The following EGFLAM variants were observed in gnomAD, a reference collection of about 807,000 sequenced individuals.
EGFLAM encodes the protein pikachurin.
In EGFLAM, 79 loss-of-function variants were observed where a neutral mutation model predicts 113.1. That is an observed-to-expected ratio of 0.70 (90% CI 0.58 to 0.84). The LOEUF (loss-of-function observed/expected upper bound fraction) is 0.84, where lower values mean the gene tolerates loss of function less well. Among genes scored for constraint, EGFLAM ranks in the 40% least tolerant of loss-of-function variants. The pLI is 0.00. For synonymous variants in EGFLAM, 504 were observed against 487.6 expected (o/e 1.03, Z -0.44); for missense variants, 1,265 against 1,291.6 (o/e 0.98, Z 0.32).
chr5:38,303,833 G>A (rs897342758), intron 1 of EGFLAM, among the ~76,000 whole-genome samples: 7 of 152,012 alleles, frequency 4.6e-5, no homozygotes, highest in Admixed American at 3.3e-4. Flanking sequence ...CAACTTAACA[G>A]ACATAAGAAA....
chr5:38,453,731 C>T (rs79669173), intron 19 of EGFLAM, among the ~76,000 whole-genome samples: 3,430 of 152,174 alleles, frequency 0.023, 62 homozygotes, highest in Non-Finnish European at 0.029. Flanking sequence ...TCATCAAGGC[C>T]TCAAGTACTT....
chr5:38,281,418 T>A (rs1758018651), intron 1 of EGFLAM, among the ~76,000 whole-genome samples: 1 of 152,166 alleles, frequency 6.6e-6, no homozygotes, highest in Non-Finnish European at 1.5e-5. Flanking sequence ...TGTAGAGCTA[T>A]CCAAAATATT....
rs1743382974 is a variant in EGFLAM at position 38,464,007 on chromosome 5, G to A, written c.*21G>A. On this transcript the variant is annotated 3_prime_UTR_variant, in exon 22 of 22. Coordinates refer to ENST00000322350, the MANE Select transcript of EGFLAM (RefSeq NM_152403.4). ...AGTAACACCAGCTGGCCTTGTCCAA[G>A]GGACAGAGCCTTCTATTCTGAGAAT... The A allele has an allele frequency of 1.9e-6, 3 of 1,614,110 alleles. No individual in the cohort carries two copies. The highest frequency in any genetic ancestry group is 2.5e-6 in the Non-Finnish European group (3 of 1,179,990).
At chr5:38,426,257 G>A (rs1742006140) in intron 13 of EGFLAM, among the ~76,000 whole-genome samples, 1 of 150,324 alleles carries the variant, frequency 6.7e-6, no homozygotes, top group Non-Finnish European at 1.5e-5. Context: ...GCACACACAT[G>A]TGTATATAAA....
At chr5:38,463,364 A>T (rs563271525) in intron 21 of EGFLAM, among the ~76,000 whole-genome samples, 2 of 152,326 alleles carry the variant, frequency 1.3e-5, no homozygotes, top group Admixed American at 1.3e-4. Flanking sequence ...TAAATGGCTT[A>T]TTATAATTAA....
chr5:38,258,820 G>T lies in EGFLAM; in HGVS notation c.66G>T (p.Ala22=), dbSNP rs772605498. The T allele has an allele frequency of 5.6e-6, 9 of 1,612,062 alleles. No homozygotes were observed. Among genetic ancestry groups the T allele is most frequent in the African/African-American group, 2.7e-5 (2 of 74,902 alleles). The change falls in exon 1 of 22, where the codon GCG becomes GCT. Residue 22 remains alanine (A), a synonymous_variant. Coordinates refer to ENST00000322350, the MANE Select transcript of EGFLAM (RefSeq NM_152403.4). ...TGGCTTCCAGCCTCGGACCCGGCGC[G>T]GTGTCGCTCCGAGCGGCCATCCGAA... The part of the protein sequence containing the change: ...LLLASSLGPG[A]VSLRAAIRKP...
chr5:38,453,326 A>C (rs1348923976), intron 19 of EGFLAM, among the ~76,000 whole-genome samples: 1 of 152,222 alleles, frequency 6.6e-6, no homozygotes, highest in Non-Finnish European at 1.5e-5. Context: ...CAAAGCAGGG[A>C]TCACTAAACA....
intron 1 of EGFLAM, among the ~76,000 whole-genome samples, chr5:38,301,112 G>T (rs1758566136): frequency 6.6e-6 from 1 of 152,166 alleles, no homozygotes; most frequent in African/African-American, 2.4e-5. Context: ...CTGGAGTTCA[G>T]AGGAGAAACT....
chr5:38,449,478 A>G (rs1742835274), intron 18 of EGFLAM, among the ~76,000 whole-genome samples: 1 of 152,108 alleles, frequency 6.6e-6, no homozygotes, highest in African/African-American at 2.4e-5. Flanking sequence ...TTTCTCTCCA[A>G]AGATGGAAGG....
chr5:38,305,022 A>C (rs1758688914), intron 1 of EGFLAM, among the ~76,000 whole-genome samples: 1 of 152,094 alleles, frequency 6.6e-6, no homozygotes, highest in Non-Finnish European at 1.5e-5. Flanking sequence ...AAAGTAGAAC[A>C]AAAAAATAAA....
At chr5:38,410,754 C>G (rs1212481085) in intron 10 of EGFLAM, among the ~76,000 whole-genome samples, 1 of 152,204 alleles carries the variant, frequency 6.6e-6, no homozygotes, top group Non-Finnish European at 1.5e-5. Flanking sequence ...CACCTCACTG[C>G]TGAGCCTCCT....
At chr5:38,437,724 C>T (rs944224537) in intron 16 of EGFLAM, among the ~76,000 whole-genome samples, 9 of 152,092 alleles carry the variant, frequency 5.9e-5, no homozygotes, top group African/African-American at 2.2e-4. Flanking sequence ...ACAACCTAAC[C>T]GAGTGGCCAG....
At chr5:38,326,627 G>C (rs1161472712) in intron 1 of EGFLAM, among the ~76,000 whole-genome samples, 1 of 150,832 alleles carries the variant, frequency 6.6e-6, no homozygotes, top group Non-Finnish European at 1.5e-5. Flanking sequence ...TGAGTATCTG[G>C]GACTACAGGC....
chr5:38,431,815 G>A (rs115322818), intron 15 of EGFLAM, among the ~76,000 whole-genome samples: 4,500 of 152,266 alleles, frequency 0.03, 83 homozygotes, highest in Non-Finnish European at 0.043. Flanking sequence ...TGATAATAGT[G>A]CCTACTTCAC....
At chr5:38,278,059 C>T (rs1015113669) in intron 1 of EGFLAM, among the ~76,000 whole-genome samples, 8 of 151,996 alleles carry the variant, frequency 5.3e-5, no homozygotes, top group African/African-American at 1.9e-4. Context: ...TTGTATGGAA[C>T]CACAAAAGGC....
intron 1 of EGFLAM, among the ~76,000 whole-genome samples, chr5:38,312,853 G>A (rs947024545): frequency 5.3e-5 from 8 of 152,106 alleles, no homozygotes; most frequent in Non-Finnish European, 7.4e-5. Flanking sequence ...TTTGGGAGGT[G>A]GAGGTGGGTG....
At chr5:38,260,226 G>A (rs980057900) in intron 1 of EGFLAM, among the ~76,000 whole-genome samples, 1 of 152,162 alleles carries the variant, frequency 6.6e-6, no homozygotes, top group Middle Eastern at 3.2e-3. Flanking sequence ...TCCTCCTTAA[G>A]ATAACCACAT....
At chr5:38,414,419 T>C (rs533601264) in intron 11 of EGFLAM, among the ~76,000 whole-genome samples, 1 of 152,038 alleles carries the variant, frequency 6.6e-6, no homozygotes, top group Non-Finnish European at 1.5e-5. Flanking sequence ...TCGCTTAAAG[T>C]GGGGGAAGTT....
intron 20 of EGFLAM, chr5:38,462,533 A>G (rs1743317405): frequency 5.3e-6 from 1 of 189,450 alleles, no homozygotes; most frequent in African/African-American, 2.3e-5. Context: ...TTACCTACCC[A>G]GCCTACAAGA....
Sources: allele counts gnomAD v4.1 joint callset (sites outside exome capture counted in the v4.1 genomes callset), GRCh38; gene constraint gnomAD v4.1.1; transcripts MANE v1.5; gene names NCBI Gene and HGNC (gene_info 2026-07-23, HGNC 2026-07-21).